AKAP7: variants seen among roughly 807,000 people sequenced by gnomAD.
AKAP7 encodes A-kinase anchoring protein 7.
In AKAP7, 39 loss-of-function variants were observed where a neutral mutation model predicts 39.5. The observed-to-expected ratio is 0.99, with a 90% confidence interval of 0.76 to 1.29. AKAP7 has a LOEUF of 1.29. Ranked by LOEUF, AKAP7 falls within the 50% of genes most tolerant of loss-of-function variation. AKAP7 has a pLI of 0.00. For synonymous variants in AKAP7, 140 were observed against 139.1 expected (o/e 1.01, Z -0.05); for missense variants, 414 against 407.7 (o/e 1.02, Z -0.13).
intron 1 of AKAP7, among the ~76,000 whole-genome samples, chr6:131,144,336 A>G (rs567253259): frequency 6.6e-6 from 1 of 152,332 alleles, no homozygotes; most frequent in South Asian, 2.1e-4. Context: ...CAGTGTAGCC[A>G]TATTCTTAAT....
chr6:131,167,340 G>A (rs951275486), intron 4 of AKAP7, among the ~76,000 whole-genome samples: 1 of 152,124 alleles, frequency 6.6e-6, no homozygotes, highest in Non-Finnish European at 1.5e-5. Context: ...AAAATGGACC[G>A]AATTTAGATC....
chr6:131,241,609 G>GTATACGTATATATA (rs1176516314), intron 7 of AKAP7, among the ~76,000 whole-genome samples: 3 of 135,446 alleles, frequency 2.2e-5, no homozygotes, highest in African/African-American at 5.4e-5. Context: ...GTGTGTGTGT[G>GTATACGTATATATA]TGTGTGTGTG....
intron 7 of AKAP7, among the ~76,000 whole-genome samples, chr6:131,271,534 G>A (rs1814281405): frequency 6.6e-6 from 1 of 152,034 alleles, no homozygotes; most frequent in Non-Finnish European, 1.5e-5. Context: ...GGCTTTTCAA[G>A]TTCCTTTACA....
intron 7 of AKAP7, among the ~76,000 whole-genome samples, chr6:131,278,544 C>T (rs1398830820): frequency 3.3e-5 from 5 of 152,150 alleles, no homozygotes; most frequent in Admixed American, 6.5e-5. Flanking sequence ...TTAGTTGGCT[C>T]ATGGTTCCAC....
chr6:131,256,954 A>T (rs1188360400), intron 7 of AKAP7, among the ~76,000 whole-genome samples: 1 of 149,196 alleles, frequency 6.7e-6, no homozygotes, highest in Non-Finnish European at 1.5e-5. Flanking sequence ...GCCCAACTCA[A>T]AAGAGTTTCA....
At chr6:131,131,565 C>G (rs1293917025), upstream of AKAP7, among the ~76,000 whole-genome samples, 1 of 147,002 alleles carries the variant, frequency 6.8e-6, no homozygotes, top group Admixed American at 6.9e-5. Context: ...AAGTTTTATT[C>G]ATTCATTGAA....
intron 7 of AKAP7, among the ~76,000 whole-genome samples, chr6:131,221,448 C>A (rs148808241): frequency 1.6e-3 from 251 of 152,276 alleles, no homozygotes; most frequent in African/African-American, 5.6e-3. Context: ...AGCCAGTTAT[C>A]CAGAAGATCT....
intron 2 of AKAP7, among the ~76,000 whole-genome samples, chr6:131,159,130 G>A (rs1802697458): frequency 6.6e-6 from 1 of 151,724 alleles, no homozygotes; most frequent in Non-Finnish European, 1.5e-5. Flanking sequence ...GTCTCCCTAT[G>A]TCGCCCAGGC....
At chr6:131,247,861 C>A (rs1812164746) in intron 7 of AKAP7, among the ~76,000 whole-genome samples, 1 of 152,032 alleles carries the variant, frequency 6.6e-6, no homozygotes, top group Non-Finnish European at 1.5e-5. Context: ...CAGTCTTGGC[C>A]TGAAGTGATT....
At position 131,282,216 on chromosome 6, in the gene AKAP7, G is replaced by A. The variant is rs941578551; in HGVS notation, c.*490G>A. 2.3e-6 allele frequency: 3 copies of A among 1,318,118 alleles called. No homozygotes were observed. Among genetic ancestry groups the A allele is most frequent in the African/African-American group, 3.1e-5 (2 of 65,032 alleles). 81.7% of individuals were successfully genotyped at this position (1,318,118 alleles called of 1,614,324 possible). ...GTTTCATGTTTGTCCTAAGTGTGCT[G>A]TTGCTATGCAGTGTGATCTTTATTT... is the stretch of plus-strand genomic sequence containing the variant. On this transcript the variant is annotated 3_prime_UTR_variant, in exon 8 of 8. Coordinates refer to ENST00000431975, the MANE Select transcript of AKAP7 (RefSeq NM_016377.4).
At chr6:131,204,693 T>G (rs892699828) in intron 6 of AKAP7, among the ~76,000 whole-genome samples, 2 of 151,960 alleles carry the variant, frequency 1.3e-5, no homozygotes, top group Non-Finnish European at 2.9e-5. Flanking sequence ...TAATAAGAAG[T>G]GGTGATGAGC....
At chr6:131,179,933 C>G (rs1804986513) in intron 5 of AKAP7, among the ~76,000 whole-genome samples, 2 of 152,086 alleles carry the variant, frequency 1.3e-5, no homozygotes, top group African/African-American at 4.8e-5. Flanking sequence ...AAGTATTCAT[C>G]AAAAGAATGA....
At chr6:131,190,982 A>T (rs1289608339) in intron 5 of AKAP7, among the ~76,000 whole-genome samples, 2 of 152,218 alleles carry the variant, frequency 1.3e-5, no homozygotes, top group Non-Finnish European at 2.9e-5. Flanking sequence ...CTTGGCACAT[A>T]CAGGGAGTGC....
intron 5 of AKAP7, among the ~76,000 whole-genome samples, chr6:131,197,265 T>C (rs1266210352): frequency 1.3e-5 from 2 of 152,166 alleles, no homozygotes; most frequent in African/African-American, 4.8e-5. Flanking sequence ...CTTCAGGAAA[T>C]GCTTTAATAA....
intron 7 of AKAP7, among the ~76,000 whole-genome samples, chr6:131,229,677 A>G (rs1254202168): frequency 1.3e-5 from 2 of 152,098 alleles, no homozygotes; most frequent in Non-Finnish European, 2.9e-5. Flanking sequence ...GTTTTTATCT[A>G]TCACATTCTC....
chr6:131,244,822 G>A (rs9492880), intron 7 of AKAP7, among the ~76,000 whole-genome samples: 1 of 151,750 alleles, frequency 6.6e-6, no homozygotes, highest in Non-Finnish European at 1.5e-5. Flanking sequence ...TGCTTTTATG[G>A]CTTCTGTTTT....
rs990320293 is a variant in AKAP7 at position 131,202,476 on chromosome 6, T to C, written c.702+2903T>C. ...TCCTTTGTAGGGACATGGATGAAAT[T>C]GGAAATCATCATTCTCAGTAAACTA... On this transcript the variant is annotated intron_variant, in intron 6 of 7. Transcript: ENST00000431975. Among the ~76,000 whole-genome samples, 197 of 151,320 alleles carry C rather than the reference T, an allele frequency of 1.3e-3. 1 individual carries two copies. The highest frequency in any genetic ancestry group is 4.5e-3 in the African/African-American group (185 of 41,200).
At chr6:131,278,913 T>C (rs562092114) in intron 7 of AKAP7, among the ~76,000 whole-genome samples, 29 of 152,012 alleles carry the variant, frequency 1.9e-4, no homozygotes, top group Non-Finnish European at 3.5e-4. Flanking sequence ...GGGAGGGTCG[T>C]CTAGAAATTG....
chr6:131,179,258 C>T (rs9492855), intron 5 of AKAP7, among the ~76,000 whole-genome samples: 4,033 of 152,210 alleles, frequency 0.026, 166 homozygotes, highest in East Asian at 0.16. Flanking sequence ...ACCACAACTT[C>T]TGCCTCCTGG....
Sources: gnomAD v4.1 joint callset for allele counts (sites outside exome capture counted in the v4.1 genomes callset) on GRCh38, gnomAD v4.1.1 for gene constraint, MANE v1.5 for transcripts, NCBI Gene and HGNC (gene_info 2026-07-23, HGNC 2026-07-21) for gene names.